Variants in CNKSR3 observed in about 807,000 individuals in gnomAD.
The protein encoded by CNKSR3 is CNKSR family member 3, also known as connector enhancer of kinase suppressor of ras 3.
Under a neutral mutation model 67.7 loss-of-function variants are expected in CNKSR3, and 36 were observed. The observed-to-expected ratio is 0.53, with a 90% CI of 0.41 to 0.70. CNKSR3 has a LOEUF of 0.70. Ranked by LOEUF, CNKSR3 falls within the 30% of genes least tolerant of loss-of-function variation. CNKSR3 has a pLI of 0.00. For missense variants in CNKSR3, 630 were observed against 695.2 expected (o/e 0.91, Z 1.05); for synonymous variants, 281 against 271.4 (o/e 1.04, Z -0.35).
At chr6:154,412,308 A>T (rs761698211) in intron 10 of CNKSR3, among the ~76,000 whole-genome samples, 1 of 152,160 alleles carries the variant, frequency 6.6e-6, no homozygotes, top group Non-Finnish European at 1.5e-5. Flanking sequence ...CCCATTTTTC[A>T]TTCCTCAGAA....
At position 154,422,896 on chromosome 6, in the gene CNKSR3, C is replaced by A. The variant is rs761280167; in HGVS notation, c.798+19G>T. 2 of 1,572,056 alleles carry A rather than the reference C, an allele frequency of 1.3e-6. No homozygotes were observed. The highest frequency in any genetic ancestry group is 1.4e-5 in the African/African-American group (1 of 73,078). On this transcript the variant is annotated intron_variant, in intron 8 of 12. Transcript: ENST00000607772. ...AAAAGTTTTAAGGAGGAAAATTGAG[C>A]CTCAATAAACAAACTCACCACAGTT...
chr6:154,422,403 C>G, intron 9 of CNKSR3, 103 bp downstream of exon 9: 1 of 1,159,564 alleles, frequency 8.6e-7, no homozygotes, highest in East Asian at 2.4e-5. Context: ...CATACAAACT[C>G]CTGAAACCAA....
chr6:154,446,953 C>T (rs1460213965), intron 2 of CNKSR3, among the ~76,000 whole-genome samples: 4 of 151,930 alleles, frequency 2.6e-5, no homozygotes, highest in Non-Finnish European at 4.4e-5. Flanking sequence ...TACAGGCACC[C>T]GCTACCACAC....
In CNKSR3 at chr6:154,400,152, G is replaced by A. The variant is rs531947837; in HGVS notation, c.*6202C>T. 5.9e-5 allele frequency: 9 copies of A among 152,246 alleles called. No individual in the cohort carries two copies. The highest frequency in any genetic ancestry group is 1.9e-4 in the African/African-American group (8 of 41,534). 9.4% of individuals were successfully genotyped at this position (152,246 alleles called of 1,614,324 possible). On this transcript the variant is annotated 3_prime_UTR_variant, in exon 13 of 13. Coordinates refer to ENST00000607772, the MANE Select transcript of CNKSR3 (RefSeq NM_173515.4). The stretch of plus-strand genomic sequence containing the variant: ...ACTTCTTCATGAAACAAGGAGCTTG[G>A]TAAAGGAGGCCAGCAAGTAACAGGT...
intron 9 of CNKSR3, among the ~76,000 whole-genome samples, chr6:154,421,987 CT>C (rs34269095): frequency 0.38 from 47,691 of 127,142 alleles, 7,693 homozygotes; most frequent in Non-Finnish European, 0.41. Context: ...TCATTTCATT[CT>C]TTTTTTTTTT....
At chr6:154,430,049 G>A (rs1316029603) in intron 6 of CNKSR3, among the ~76,000 whole-genome samples, 6 of 152,158 alleles carry the variant, frequency 3.9e-5, no homozygotes, top group African/African-American at 1.4e-4. Context: ...TTATGATATA[G>A]CTCATATATT....
rs1784616235 is a variant in CNKSR3 at position 154,392,240 on chromosome 6, T to C, written c.*14114A>G. ...AAAAAAAAGAGTGTACCATTATATG[T>C]TGTCTTCTGATGCTTTTTCCCACTC... On this transcript the variant is annotated 3_prime_UTR_variant, in exon 13 of 13. Coordinates refer to ENST00000607772, the MANE Select transcript of CNKSR3 (RefSeq NM_173515.4). 6.6e-6 allele frequency: 1 copy of C among 152,056 alleles called. No homozygotes were observed. 9.4% of individuals were successfully genotyped at this position (152,056 alleles called of 1,614,324 possible).
rs752427584 is a variant in CNKSR3, at chr6:154,406,580, G to C, written c.1442C>G (p.Pro481Arg). 2 of 1,614,198 alleles carry C rather than the reference G, an allele frequency of 1.2e-6. No homozygotes were observed. Among genetic ancestry groups the C allele is most frequent in the Non-Finnish European group, 1.7e-6 (2 of 1,180,036 alleles). Residue 481 changes from proline (P) to arginine (R), a missense_variant, in exon 13 of 13, where the codon CCA becomes CGA. Physicochemically the swap from Pro to Arg is moderately radical, Grantham distance 103. Coordinates refer to ENST00000607772, the MANE Select transcript of CNKSR3 (RefSeq NM_173515.4). ...GGTCGTGGGTCTGGAGAACCGGTAT[G>C]GGGGAGAGGAGCTCTCTTCAATGAT... ...PPIIEESSSP[P>R]YRFSRPTTER...
At chr6:154,456,666 C>CAT (rs1426070903) in intron 1 of CNKSR3, among the ~76,000 whole-genome samples, 1 of 135,094 alleles carries the variant, frequency 7.4e-6, no homozygotes, top group African/African-American at 2.8e-5. Flanking sequence ...GAGAACATGC[C>CAT]ATTGCACTCC....
At chr6:154,472,839 AC>A (rs1786360960) in intron 1 of CNKSR3, among the ~76,000 whole-genome samples, 1 of 151,740 alleles carries the variant, frequency 6.6e-6, no homozygotes, top group African/African-American at 2.4e-5. Context: ...CAACAAAAAA[AC>A]GTACAGGGCA....
chr6:154,432,458 C>A (rs1204510737), intron 5 of CNKSR3, among the ~76,000 whole-genome samples: 2 of 152,110 alleles, frequency 1.3e-5, no homozygotes, highest in East Asian at 1.9e-4. Context: ...TATATCCTCC[C>A]AGTCTGTGGC....
intron 1 of CNKSR3, among the ~76,000 whole-genome samples, chr6:154,455,529 C>T (rs1243230202): frequency 6.6e-6 from 1 of 150,710 alleles, no homozygotes; most frequent in African/African-American, 2.4e-5. Context: ...CTTGTCAATT[C>T]TCCTGCCTCA....
In CNKSR3 at chr6:154,411,032, C is replaced by G. The variant is rs759021654; in HGVS notation, c.1181G>C (p.Arg394Thr). 1 of 1,614,168 alleles carries G rather than the reference C, an allele frequency of 6.2e-7. No homozygotes were observed. The highest frequency in any genetic ancestry group is 1.7e-5 in the Admixed American group (1 of 60,028). The change falls in exon 11 of 13, where the codon AGA (arginine) becomes ACA (threonine). Residue 394 changes from arginine to threonine, a missense_variant. Physicochemically the swap from Arg to Thr is moderately conservative, Grantham distance 71. Around this residue, in one of 3 missense-constraint regions of CNKSR3, gnomAD observed 308 missense variants for 299.6 expected, o/e 1.03. Transcript: ENST00000607772. ...PNSFLDQESR[R>T]RRFTIADSDQ... ...CGAGTCTGCAATGGTGAATCTTCGT[C>G]TCCGGCTTTCCTGGTCCAAGAAGGA...
rs1221109632 is a variant in CNKSR3, at chr6:154,402,598, A to G, written c.*3756T>C. 1 of 152,212 alleles carries G rather than the reference A, an allele frequency of 6.6e-6. No individual in the cohort carries two copies. The highest frequency in any genetic ancestry group is 1.5e-5 in the Non-Finnish European group (1 of 68,046). The allele number at this position is 152,212 out of a possible 1,614,324, so 9.4% of individuals were successfully genotyped here. ...CCTGGGTAACTCCCTCATATGCAAA[A>G]CGGGACTAACAGCAGTACTCACCTC... is the stretch of plus-strand genomic sequence containing the variant. On this transcript the variant is annotated 3_prime_UTR_variant, in exon 13 of 13. Coordinates refer to ENST00000607772, the MANE Select transcript of CNKSR3 (RefSeq NM_173515.4).
At chr6:154,486,891 G>A (rs984616405) in intron 1 of CNKSR3, among the ~76,000 whole-genome samples, 2 of 151,972 alleles carry the variant, frequency 1.3e-5, no homozygotes, top group East Asian at 3.9e-4. Context: ...GGCTGGTCTC[G>A]AACTCATGGG....
chr6:154,407,183 G>A (rs1784813483), intron 12 of CNKSR3, among the ~76,000 whole-genome samples: 1 of 152,158 alleles, frequency 6.6e-6, no homozygotes. Context: ...CTGAGAGGTA[G>A]CACACGGGTC....
chr6:154,504,737 C>T (rs1263551203), intron 1 of CNKSR3, among the ~76,000 whole-genome samples: 1 of 151,778 alleles, frequency 6.6e-6, no homozygotes, highest in Non-Finnish European at 1.5e-5. Flanking sequence ...TGGACAGGTG[C>T]AATGTCTCAC....
At chr6:154,486,979 T>G in intron 1 of CNKSR3, among the ~76,000 whole-genome samples, 1 of 152,028 alleles carries the variant, frequency 6.6e-6, no homozygotes, top group South Asian at 2.1e-4. Context: ...CCTTCTCCTC[T>G]TTTTTTGCGG....
intron 9 of CNKSR3, among the ~76,000 whole-genome samples, chr6:154,418,571 A>G (rs766344602): frequency 3.9e-5 from 6 of 152,182 alleles, no homozygotes; most frequent in Non-Finnish European, 8.8e-5. Context: ...ATCTTATGCA[A>G]CAATTAGCGG....
Sources: gnomAD v4.1 joint callset for allele counts (sites outside exome capture counted in the v4.1 genomes callset) on GRCh38, gnomAD v4.1.1 for gene constraint, gnomAD v4.1.1 regional missense constraint, MANE v1.5 for transcripts, NCBI Gene and HGNC (gene_info 2026-07-23, HGNC 2026-07-21) for gene names.